Variants in BCAR3 observed in about 807,000 individuals in gnomAD.
BCAR3 encodes breast cancer anti-estrogen resistance protein 3.
BCAR3 carries 37 observed loss-of-function variants against 80.1 expected under a neutral mutation model. The observed-to-expected ratio is 0.46, with a 90% CI of 0.36 to 0.61. BCAR3 has a LOEUF of 0.61. Ranked by LOEUF, BCAR3 falls within the 20% of genes least tolerant of loss-of-function variation. BCAR3 has a pLI of 0.00. For synonymous variants in BCAR3, 389 were observed against 418.9 expected (o/e 0.93, Z 0.87); for missense variants, 978 against 1,068.2 (o/e 0.92, Z 1.18).
At chr1:93,782,895 T>C (rs964729950) in intron 2 of BCAR3, among the ~76,000 whole-genome samples, 2 of 152,186 alleles carry the variant, frequency 1.3e-5, no homozygotes, top group East Asian at 3.8e-4. Context: ...TGGGAGGAGA[T>C]ATTTTCAACA....
intron 2 of BCAR3, among the ~76,000 whole-genome samples, chr1:93,779,327 T>C (rs1394136561): frequency 1.3e-5 from 2 of 152,214 alleles, no homozygotes; most frequent in Non-Finnish European, 2.9e-5. Flanking sequence ...AGCTGTGTTG[T>C]ATGCCAGGCA....
rs917818430 is a variant in BCAR3 at position 93,592,835 on chromosome 1, C to T, written c.358-442G>A. On this transcript the variant is annotated intron_variant, in intron 3 of 11. Transcript: ENST00000260502. This position sits in a 1 kb window ranked among gnomAD's most constrained non-coding sequence, Gnocchi z 4.8. ...GGGCAGTGAGGCCCAAAGCACAGTC[C>T]TTGGGCTGGTAGCGATGGCCCTAAC... Among the ~76,000 whole-genome samples, 1 of 152,212 alleles carries T rather than the reference C, an allele frequency of 6.6e-6. No individual in the cohort carries two copies. The highest frequency in any genetic ancestry group is 2.4e-5 in the African/African-American group (1 of 41,450).
chr1:93,748,407 A>G (rs1453241395), intron 2 of BCAR3, among the ~76,000 whole-genome samples: 1 of 152,186 alleles, frequency 6.6e-6, no homozygotes, highest in Non-Finnish European at 1.5e-5. Context: ...TTGATCTCCA[A>G]GTCTGTCATT....
At chr1:93,733,812 G>T (rs1650884077) in intron 2 of BCAR3, among the ~76,000 whole-genome samples, 1 of 152,248 alleles carries the variant, frequency 6.6e-6, no homozygotes, top group Non-Finnish European at 1.5e-5. Context: ...CCCTTGGCCT[G>T]TTGGGGACTA....
chr1:93,683,934 A>AT (rs529344234), upstream of BCAR3, among the ~76,000 whole-genome samples: 602 of 152,134 alleles, frequency 4.0e-3, 1 homozygote, highest in Admixed American at 6.9e-3. Flanking sequence ...CTCCAAAGAA[A>AT]TTTTTTTTAA....
chr1:93,644,153 A>T (rs1471118794), intron 2 of BCAR3, among the ~76,000 whole-genome samples: 4 of 152,240 alleles, frequency 2.6e-5, no homozygotes, highest in Admixed American at 2.6e-4. Flanking sequence ...TTGTGGGGGA[A>T]AATTTGCATC....
At chr1:93,596,629 G>A (rs1379364978) in intron 3 of BCAR3, among the ~76,000 whole-genome samples, 1 of 152,148 alleles carries the variant, frequency 6.6e-6, no homozygotes, top group Non-Finnish European at 1.5e-5. Context: ...AAGACAACTT[G>A]TGAATAATCA....
chr1:93,629,436 T>C (rs1304011976), intron 3 of BCAR3, among the ~76,000 whole-genome samples: 1 of 152,246 alleles, frequency 6.6e-6, no homozygotes, highest in African/African-American at 2.4e-5. Context: ...TACAGTATCA[T>C]AGCATTTTAG....
chr1:93,640,157 G>A (rs1041500367), intron 3 of BCAR3, among the ~76,000 whole-genome samples: 1 of 152,188 alleles, frequency 6.6e-6, no homozygotes, highest in Non-Finnish European at 1.5e-5. Context: ...CTCCAGCCAT[G>A]AGGCACCAGC....
intron 2 of BCAR3, among the ~76,000 whole-genome samples, chr1:93,652,521 T>C (rs568648774): frequency 2.6e-5 from 4 of 152,270 alleles, no homozygotes; most frequent in Admixed American, 6.5e-5. Flanking sequence ...GGAAATAGAA[T>C]ATCCAATTAT....
At chr1:93,812,301 G>A (rs1354632162) in intron 2 of BCAR3, among the ~76,000 whole-genome samples, 1 of 151,910 alleles carries the variant, frequency 6.6e-6, no homozygotes, top group East Asian at 1.9e-4. Flanking sequence ...GAAGCCCACC[G>A]CTGGGACCTC....
chr1:93,833,115 C>A (rs1654633552), intron 2 of BCAR3, among the ~76,000 whole-genome samples: 1 of 152,022 alleles, frequency 6.6e-6, no homozygotes, highest in African/African-American at 2.4e-5. Flanking sequence ...AGAAAGAGTA[C>A]AAAAGAAAGA....
chr1:93,581,272 CAG>C (rs1053884212), intron 7 of BCAR3, among the ~76,000 whole-genome samples: 2 of 152,088 alleles, frequency 1.3e-5, no homozygotes, highest in Admixed American at 6.5e-5. Context: ...CTGTGGCAAA[CAG>C]ATATTACACA....
At chr1:93,705,324 T>C (rs1366806623) in intron 3 of BCAR3, among the ~76,000 whole-genome samples, 3 of 152,202 alleles carry the variant, frequency 2.0e-5, no homozygotes, top group Admixed American at 6.5e-5. Flanking sequence ...GTAGGGTGTA[T>C]GTGTTCCGGG....
intron 2 of BCAR3, among the ~76,000 whole-genome samples, chr1:93,838,658 C>T (rs578123044): frequency 3.9e-5 from 6 of 152,266 alleles, no homozygotes; most frequent in East Asian, 3.9e-4. Context: ...CTGAGAAAAA[C>T]GGGATGCTAA....
chr1:93,579,386 G>C (rs1673607800), intron 7 of BCAR3, among the ~76,000 whole-genome samples: 1 of 152,234 alleles, frequency 6.6e-6, no homozygotes, highest in Non-Finnish European at 1.5e-5. Context: ...CAGAGACAGG[G>C]AAGAAGGAAG....
At chr1:93,693,963 T>C (rs1003350245) in intron 3 of BCAR3, among the ~76,000 whole-genome samples, 3 of 152,242 alleles carry the variant, frequency 2.0e-5, no homozygotes, top group Non-Finnish European at 2.9e-5. Flanking sequence ...TTTGCCCACT[T>C]AATCCTCACG....
rs553768335 is a variant in BCAR3, at chr1:93,642,516, C to T, written c.318-173G>A. Among the ~76,000 whole-genome samples the T allele has an allele frequency of 2.8e-4, 42 of 152,312 alleles. No individual in the cohort carries two copies. The South Asian group carries it at 7.7e-3, about 28-fold the overall frequency. On this transcript the variant is annotated intron_variant, in intron 2 of 11. Transcript: ENST00000260502. ...GGTGGGGTGGGAGATACCACCATGA[C>T]CTCAGTCTAGAAGCTCCCACATGCT...
At chr1:93,601,485 TTGTA>T (rs1358471547) in intron 3 of BCAR3, among the ~76,000 whole-genome samples, 3 of 152,164 alleles carry the variant, frequency 2.0e-5, no homozygotes, top group African/African-American at 7.2e-5. Flanking sequence ...GGCAAGCACT[TTGTA>T]TGCATATATC....
Sources: allele counts gnomAD v4.1 joint callset (sites outside exome capture counted in the v4.1 genomes callset), GRCh38; gene constraint gnomAD v4.1.1; non-coding constraint Gnocchi (gnomAD v3.1); transcripts MANE v1.5; gene names NCBI Gene and HGNC (gene_info 2026-07-23, HGNC 2026-07-21).